TFDP2: variants seen among roughly 807,000 people sequenced by gnomAD.
The protein encoded by TFDP2 is transcription factor Dp-2 (E2F dimerization partner 2).
In TFDP2, 17 loss-of-function variants were observed where a neutral mutation model predicts 59.3. The observed-to-expected ratio is 0.29, with a 90% CI of 0.20 to 0.43. The LOEUF (loss-of-function observed/expected upper bound fraction) is 0.43. Among genes scored for constraint, TFDP2 ranks in the 20% least tolerant of loss-of-function variants. The pLI is 1.00. For synonymous variants in TFDP2, 180 were observed against 194.7 expected (o/e 0.92, Z 0.63); for missense variants, 391 against 528.8 (o/e 0.74, Z 2.56).
chr3:142,089,713 A>C (rs2060936678), intron 3 of TFDP2, among the ~76,000 whole-genome samples: 1 of 152,124 alleles, frequency 6.6e-6, no homozygotes, highest in East Asian at 1.9e-4. Flanking sequence ...AAAATGTTTA[A>C]TAAATCATTA....
chr3:142,020,570 G>A (rs1945509534), intron 3 of TFDP2, among the ~76,000 whole-genome samples: 1 of 151,360 alleles, frequency 6.6e-6, no homozygotes, highest in African/African-American at 2.4e-5. Flanking sequence ...AGTAACTCAG[G>A]CTCTGTAGGT....
chr3:142,002,917 A>G (rs1251517503), intron 4 of TFDP2, among the ~76,000 whole-genome samples: 2 of 152,080 alleles, frequency 1.3e-5, no homozygotes, highest in Non-Finnish European at 2.9e-5. Context: ...GCAAATTCAG[A>G]AGGCTCACTC....
At chr3:142,050,286 A>T (rs947272902) in intron 3 of TFDP2, among the ~76,000 whole-genome samples, 2 of 150,996 alleles carry the variant, frequency 1.3e-5, no homozygotes, top group Non-Finnish European at 3.0e-5. Flanking sequence ...ATAATAAAAA[A>T]AAAAGATCCT....
At chr3:142,082,538 A>G (rs2060672500) in intron 3 of TFDP2, among the ~76,000 whole-genome samples, 1 of 152,140 alleles carries the variant, frequency 6.6e-6, no homozygotes, top group African/African-American at 2.4e-5. Flanking sequence ...TGTATCACCC[A>G]GATGCCAAAA....
At chr3:142,018,733 C>A (rs1945338703) in intron 3 of TFDP2, among the ~76,000 whole-genome samples, 1 of 152,216 alleles carries the variant, frequency 6.6e-6, no homozygotes, top group Admixed American at 6.5e-5. Flanking sequence ...TGAGCCACTG[C>A]ACCCAGGCAA....
rs528366421 is a variant in TFDP2, at chr3:142,078,338, A to G, written c.82+14723T>C. 2.0e-5 allele frequency among the ~76,000 whole-genome samples: 3 copies of G among 152,248 alleles called. No homozygotes were observed. The South Asian group carries it at 6.2e-4, about 32-fold the overall frequency. On this transcript the variant is annotated intron_variant, in intron 3 of 12. Coordinates refer to ENST00000489671, the MANE Select transcript of TFDP2 (RefSeq NM_001178139.2). ...CCCAGGGCCTTGAGCAAGACCCAGT[A>G]TTGTGCTGGCTTCAGGTCTGAACCA...
At chr3:141,962,749 G>A (rs970617059) in intron 10 of TFDP2, among the ~76,000 whole-genome samples, 1 of 152,246 alleles carries the variant, frequency 6.6e-6, no homozygotes, top group Non-Finnish European at 1.5e-5. Context: ...AGAGCGCCAG[G>A]AAGAAGAGTG....
intron 3 of TFDP2, among the ~76,000 whole-genome samples, chr3:142,088,161 T>C (rs1414477137): frequency 6.6e-6 from 1 of 152,228 alleles, no homozygotes; most frequent in Non-Finnish European, 1.5e-5. Flanking sequence ...GTAAGTACTA[T>C]TCAATAAATA....
At chr3:142,110,072 T>A (rs1431467937) in intron 1 of TFDP2, among the ~76,000 whole-genome samples, 1 of 152,082 alleles carries the variant, frequency 6.6e-6, no homozygotes, top group African/African-American at 2.4e-5. Flanking sequence ...TTTGTAGAGA[T>A]GGAGTTTCGC....
At chr3:142,085,323 T>C (rs780053728) in intron 3 of TFDP2, among the ~76,000 whole-genome samples, 9 of 146,220 alleles carry the variant, frequency 6.2e-5, no homozygotes, top group Non-Finnish European at 2.9e-5. Flanking sequence ...CATGATGTGA[T>C]TATTACACAT....
chr3:142,126,717 C>T (rs970809947), intron 1 of TFDP2, among the ~76,000 whole-genome samples: 5 of 151,756 alleles, frequency 3.3e-5, no homozygotes, highest in African/African-American at 1.2e-4. Context: ...GAGGCTGAGG[C>T]GGGCAGATCA....
chr3:142,094,214 T>C (rs1432883488), intron 2 of TFDP2, among the ~76,000 whole-genome samples: 5 of 152,154 alleles, frequency 3.3e-5, no homozygotes, highest in Non-Finnish European at 5.9e-5. Context: ...TTTGTAAGCA[T>C]TGAAGATTTG....
At chr3:142,122,181 C>T (rs958887759) in intron 1 of TFDP2, among the ~76,000 whole-genome samples, 1 of 152,046 alleles carries the variant, frequency 6.6e-6, no homozygotes, top group Admixed American at 6.6e-5. Flanking sequence ...TCAAGAAAAT[C>T]CATAACATTA....
At chr3:142,095,592 T>A (rs1484879903) in intron 2 of TFDP2, among the ~76,000 whole-genome samples, 1 of 152,256 alleles carries the variant, frequency 6.6e-6, no homozygotes, top group Non-Finnish European at 1.5e-5. Context: ...GATACTTAAC[T>A]TTGTCCAGCT....
chr3:142,139,026 T>C (rs2062836182), intron 1 of TFDP2, among the ~76,000 whole-genome samples: 2 of 152,210 alleles, frequency 1.3e-5, no homozygotes, highest in Non-Finnish European at 2.9e-5. Flanking sequence ...CTCTAAGGAC[T>C]TGCTTTATGA....
chr3:142,051,436 G>C (rs1947622472), intron 3 of TFDP2, among the ~76,000 whole-genome samples: 1 of 152,094 alleles, frequency 6.6e-6, no homozygotes, highest in Admixed American at 6.5e-5. Context: ...CTACTCGGGA[G>C]GCTGAAGCGG....
At chr3:142,145,809 A>G (rs936497218) in intron 1 of TFDP2, among the ~76,000 whole-genome samples, 8 of 152,208 alleles carry the variant, frequency 5.3e-5, no homozygotes, top group African/African-American at 1.9e-4. Flanking sequence ...TAGTTTCACT[A>G]AGGACAAGTA....
intron 3 of TFDP2, among the ~76,000 whole-genome samples, chr3:142,025,311 A>G (rs535190467): frequency 3.3e-5 from 5 of 152,192 alleles, no homozygotes; most frequent in South Asian, 2.1e-4. Context: ...TAATTTGACC[A>G]CACATTCAAT....
chr3:142,021,096 C>T (rs1372686598), intron 3 of TFDP2, among the ~76,000 whole-genome samples: 4 of 152,110 alleles, frequency 2.6e-5, no homozygotes, highest in Admixed American at 6.5e-5. Flanking sequence ...GAACCATGTT[C>T]GCCAAAAGTC....
Sources: allele counts gnomAD v4.1 joint callset (sites outside exome capture counted in the v4.1 genomes callset), GRCh38; gene constraint gnomAD v4.1.1; transcripts MANE v1.5; gene names NCBI Gene and HGNC (gene_info 2026-07-23, HGNC 2026-07-21).